The following CADPS2 variants were observed in gnomAD, a reference collection of about 807,000 sequenced individuals.
CADPS2 encodes the protein calcium dependent secretion activator 2.
CADPS2 carries 93 observed loss-of-function variants against 172.5 expected under a neutral mutation model. The observed-to-expected ratio is 0.54, with a 90% CI of 0.46 to 0.64. CADPS2 has a LOEUF of 0.64. Among genes scored for constraint, CADPS2 ranks in the 30% least tolerant of loss-of-function variants. The probability of loss-of-function intolerance (pLI) is 0.00; values close to 1 mark genes in which losing one functional copy is unlikely to be tolerated. For missense variants in CADPS2, 1,420 were observed against 1,565.9 expected, an observed-to-expected ratio of 0.91 and a Z score of 1.57; for synonymous variants, 546 against 555.2, an observed-to-expected ratio of 0.98 and a Z score of 0.23.
intron 1 of CADPS2, among the ~76,000 whole-genome samples, chr7:122,747,947 T>C (rs144316782): frequency 1.5e-3 from 234 of 152,264 alleles, no homozygotes; most frequent in Non-Finnish European, 2.1e-3. Context: ...CTTATCCTCT[T>C]TGTGCCACTT....
chr7:122,846,003 T>G (rs1373640688), intron 1 of CADPS2, among the ~76,000 whole-genome samples: 1 of 152,218 alleles, frequency 6.6e-6, no homozygotes, highest in Non-Finnish European at 1.5e-5. Flanking sequence ...CATCTATGTA[T>G]TCTAAAAATT....
chr7:122,859,800 C>G (rs1816426516), intron 1 of CADPS2, among the ~76,000 whole-genome samples: 1 of 151,888 alleles, frequency 6.6e-6, no homozygotes, highest in African/African-American at 2.4e-5. Flanking sequence ...TTATATAAAC[C>G]ATTATTATAC....
chr7:122,683,386 C>A (rs1345448729), intron 2 of CADPS2, among the ~76,000 whole-genome samples: 2 of 152,074 alleles, frequency 1.3e-5, no homozygotes, highest in Non-Finnish European at 2.9e-5. Context: ...GTGGGAAAAC[C>A]AAGAAAAACA....
chr7:122,784,219 C>G (rs73718003), intron 1 of CADPS2, among the ~76,000 whole-genome samples: 2,458 of 152,270 alleles, frequency 0.016, 62 homozygotes, highest in African/African-American at 0.056. Flanking sequence ...ATCTCATCCT[C>G]CTCCCTAAGA....
At chr7:122,363,665 C>G (rs1441563441) in intron 25 of CADPS2, among the ~76,000 whole-genome samples, 1 of 151,872 alleles carries the variant, frequency 6.6e-6, no homozygotes, top group African/African-American at 2.4e-5. Flanking sequence ...AGCTATCCCG[C>G]CCACCTTACA....
intron 8 of CADPS2, among the ~76,000 whole-genome samples, chr7:122,537,992 C>A (rs542012496): frequency 6.6e-6 from 1 of 151,224 alleles, no homozygotes; most frequent in Non-Finnish European, 1.5e-5. Flanking sequence ...AAATTTAAAC[C>A]GATCAACAAT....
Position 122,837,146 on chromosome 7 carries a change from A to G in CADPS2, c.339+48853T>C, listed in dbSNP as rs1417801296. On this transcript the variant is annotated intron_variant, in intron 1 of 29. Transcript: ENST00000449022. ...AACTCACTCAAAACCGCTCAACTAC[A>G]TGGAAACTGAACAACCTGCTCCTGA... Among the ~76,000 whole-genome samples the G allele has an allele frequency of 2.0e-5, 3 of 152,218 alleles. No homozygotes were observed. The East Asian group carries it at 5.8e-4, about 29-fold the overall frequency.
chr7:122,875,209 C>G (rs909729807), intron 1 of CADPS2, among the ~76,000 whole-genome samples: 1 of 152,080 alleles, frequency 6.6e-6, no homozygotes, highest in African/African-American at 2.4e-5. Context: ...TAGGTGTATA[C>G]GTATTATGGA....
At chr7:122,490,336 G>C in intron 10 of CADPS2, 55 bp from the exon 11 acceptor site, 1 of 1,472,778 alleles carries the variant, frequency 6.8e-7, no homozygotes, top group Non-Finnish European at 9.4e-7. Context: ...GCAGATTTTC[G>C]TCTCATTCAC....
chr7:122,398,386 A>G (rs2045449260), intron 20 of CADPS2, among the ~76,000 whole-genome samples: 1 of 152,162 alleles, frequency 6.6e-6, no homozygotes, highest in African/African-American at 2.4e-5. Context: ...TCCTCTTCCA[A>G]TTAGCTAGCT....
chr7:122,663,480 T>C lies in CADPS2; in HGVS notation c.543A>G (p.Ile181Met). The C allele has an allele frequency of 9.9e-6, 16 of 1,613,880 alleles. No homozygotes were observed. The highest frequency in any genetic ancestry group is 1.4e-5 in the Non-Finnish European group (16 of 1,179,834). ...CTGGCAAACTCCGCACACGTTTTTC[T>C]ATGTTTTTCTTAAATACTTCTCTGA... is the stretch of plus-strand genomic sequence containing the variant. ...NDFREVFKKN[I>M]EKRVRSLPEI... The change falls in exon 3 of 30, where the codon ATA (isoleucine) becomes ATG (methionine). Residue 181 changes from isoleucine (I) to methionine (M), a missense_variant. Transcript: ENST00000449022.
Position 122,590,531 on chromosome 7 carries a change from C to T in CADPS2, c.1224-9241G>A, listed in dbSNP as rs544313597. Among the ~76,000 whole-genome samples, 40 of 151,978 alleles carry T rather than the reference C, an allele frequency of 2.6e-4. No individual in the cohort carries two copies. In the South Asian group the frequency reaches 7.9e-3, roughly 30 times the overall value. The stretch of plus-strand genomic sequence containing the variant: ...AGTCAATCACTCTTCTAATGATGGA[C>T]TGTAAGGTTGTTTCCAGTCTTAACC... On this transcript the variant is annotated intron_variant, in intron 6 of 29. Transcript: ENST00000449022.
chr7:122,674,448 GCAC>G (rs371818527), intron 2 of CADPS2, among the ~76,000 whole-genome samples: 65 of 152,284 alleles, frequency 4.3e-4, no homozygotes, highest in African/African-American at 1.5e-3. Context: ...TTCAATCTGA[GCAC>G]CACCAACTGC....
intron 1 of CADPS2, among the ~76,000 whole-genome samples, chr7:122,860,369 G>C (rs1188963904): frequency 6.6e-6 from 1 of 152,026 alleles, no homozygotes; most frequent in East Asian, 1.9e-4. Flanking sequence ...TGGGTCTACA[G>C]GCATGTGCCA....
intron 15 of CADPS2, among the ~76,000 whole-genome samples, chr7:122,442,293 A>G (rs1313911207): frequency 6.6e-6 from 1 of 152,114 alleles, no homozygotes; most frequent in Non-Finnish European, 1.5e-5. Flanking sequence ...CTTCAGGTCA[A>G]TTTCCACTTA....
chr7:122,768,907 A>T (rs1341962031), intron 1 of CADPS2, among the ~76,000 whole-genome samples: 3 of 151,838 alleles, frequency 2.0e-5, no homozygotes, highest in African/African-American at 7.3e-5. Context: ...TTAAAACGGA[A>T]AATGTAGATA....
intron 17 of CADPS2, 78 bp from the exon 18 acceptor site, chr7:122,416,242 A>G: frequency 1.6e-6 from 1 of 644,088 alleles, no homozygotes; most frequent in Non-Finnish European, 2.5e-6. Flanking sequence ...TGATGAGACT[A>G]GAATGTTGAA....
Position 122,464,545 on chromosome 7 carries a change from C to A in CADPS2, c.2186+6830G>T, listed in dbSNP as rs150111819. Among the ~76,000 whole-genome samples the A allele has an allele frequency of 4.4e-3, 670 of 152,192 alleles. 2 individuals carry two copies. The highest frequency in any genetic ancestry group is 0.015 in the African/African-American group (613 of 41,518). ...GAGTATAAAAAAATAAAAATGACAT[C>A]TTTACAGTAGAGAAATGTGACAAAT... On this transcript the variant is annotated intron_variant, in intron 14 of 29. Transcript: ENST00000449022.
intron 1 of CADPS2, among the ~76,000 whole-genome samples, chr7:122,810,495 A>C (rs980499788): frequency 6.6e-6 from 1 of 152,210 alleles, no homozygotes; most frequent in Non-Finnish European, 1.5e-5. Flanking sequence ...GTAATCAGGG[A>C]TTCTCAAACT....
Sources: gnomAD v4.1 joint callset for allele counts (sites outside exome capture counted in the v4.1 genomes callset) on GRCh38, gnomAD v4.1.1 for gene constraint, MANE v1.5 for transcripts, NCBI Gene and HGNC (gene_info 2026-07-23, HGNC 2026-07-21) for gene names.